Variants in SNX24 observed in about 807,000 individuals in gnomAD.
The protein encoded by SNX24 is sorting nexin-24.
Under a neutral mutation model 28.7 loss-of-function variants are expected in SNX24, and 22 were observed. The ratio of observed to expected loss-of-function variants is 0.77; its 90% CI spans 0.55 to 1.10. SNX24 has a LOEUF of 1.10. SNX24 is among the 50% of genes least tolerant of loss of function. The pLI is 0.00. For missense variants in SNX24, 221 were observed against 201.1 expected (o/e 1.10, Z -0.60); for synonymous variants, 69 against 71.5 (o/e 0.96, Z 0.18).
intron 5 of SNX24, among the ~76,000 whole-genome samples, chr5:123,022,061 C>T (rs1258558884): frequency 6.6e-6 from 1 of 152,098 alleles, no homozygotes; most frequent in African/African-American, 2.4e-5. Context: ...TCACAGCACT[C>T]ATCACCCTTT....
intron 1 of SNX24, among the ~76,000 whole-genome samples, chr5:122,866,451 A>C (rs1410696093): frequency 6.6e-6 from 1 of 152,112 alleles, no homozygotes; most frequent in Non-Finnish European, 1.5e-5. Flanking sequence ...GCCCTGCCAT[A>C]ACTGGTATTT....
In SNX24 at chr5:123,008,891, G is replaced by T. The variant is rs1304202838; in HGVS notation, c.*1142G>T. The T allele has an allele frequency of 1.0e-6, 1 of 983,908 alleles. No individual in the cohort carries two copies. The highest frequency in any genetic ancestry group is 1.2e-6 in the Non-Finnish European group (1 of 828,308). 60.9% of individuals were successfully genotyped at this position (983,908 alleles called of 1,614,324 possible). On this transcript the variant is annotated 3_prime_UTR_variant, in exon 7 of 7. Coordinates refer to ENST00000261369, the MANE Select transcript of SNX24 (RefSeq NM_014035.4). The stretch of plus-strand genomic sequence containing the variant: ...ACCTATATGTATGTGCTGTATGTGG[G>T]CATTTCATTGAGATCTAATTAATAG...
intron 3 of SNX24, among the ~76,000 whole-genome samples, chr5:122,952,096 G>A (rs1331890181): frequency 1.3e-5 from 2 of 152,140 alleles, no homozygotes; most frequent in Non-Finnish European, 2.9e-5. Context: ...TGATATATAA[G>A]AAACATAAAG....
rs1213203719 is a variant in SNX24 at position 122,893,079 on chromosome 5, A to C, written c.61-43655A>C. 2.6e-5 allele frequency among the ~76,000 whole-genome samples: 4 copies of C among 151,864 alleles called. No individual in the cohort carries two copies. In the East Asian group the frequency reaches 7.7e-4, roughly 29 times the overall value. On this transcript the variant is annotated intron_variant, in intron 1 of 6. Transcript: ENST00000261369. Reference sequence around the variant, plus strand: ...CTGCACTCGGCCCCGTTTCCTCTAAATTTACTAGCTGGCATTCTTCTGCAA... The same window carrying C: ...CTGCACTCGGCCCCGTTTCCTCTAACTTTACTAGCTGGCATTCTTCTGCAA...
Position 122,946,165 on chromosome 5 carries a change from A to T in SNX24, c.249+6A>T. On this transcript the variant is annotated splice_donor_region_variant and intron_variant, in intron 3 of 6. Coordinates refer to ENST00000261369, the MANE Select transcript of SNX24 (RefSeq NM_014035.4). ...GCTTGGAAACATACTTACAGGTAAG[A>T]TATGTTTAGATCCTCATTTTATATA... The T allele has an allele frequency of 2.0e-6, 3 of 1,485,320 alleles. No individual in the cohort carries two copies. Among genetic ancestry groups the T allele is most frequent in the Non-Finnish European group, 2.8e-6 (3 of 1,065,594 alleles). 92.0% of individuals were successfully genotyped at this position (1,485,320 alleles called of 1,614,324 possible). A position where few individuals can be genotyped will look rare whatever the true frequency, so the allele number is the denominator to read the frequency against.
chr5:122,867,184 A>G, intron 1 of SNX24, among the ~76,000 whole-genome samples: 1 of 152,216 alleles, frequency 6.6e-6, no homozygotes, highest in South Asian at 2.1e-4. Context: ...TCATTCTACC[A>G]AGCCAGCTGT....
intron 5 of SNX24, among the ~76,000 whole-genome samples, chr5:123,028,015 C>T (rs948058490): frequency 7.2e-5 from 11 of 152,140 alleles, no homozygotes; most frequent in African/African-American, 2.7e-4. Context: ...GTTTCTATTA[C>T]AATTTTGACA....
intron 1 of SNX24, among the ~76,000 whole-genome samples, chr5:122,860,456 G>A (rs886466222): frequency 3.3e-5 from 5 of 152,118 alleles, no homozygotes. Context: ...TTATTTTTGG[G>A]CCACTCTAAA....
At chr5:122,967,403 A>T (rs979500126) in intron 3 of SNX24, among the ~76,000 whole-genome samples, 3 of 152,086 alleles carry the variant, frequency 2.0e-5, no homozygotes, top group Non-Finnish European at 4.4e-5. Context: ...CCTCTTTCAG[A>T]CCCTGGTGTT....
chr5:122,928,468 A>T (rs1009791864), intron 1 of SNX24, among the ~76,000 whole-genome samples: 1 of 152,118 alleles, frequency 6.6e-6, no homozygotes, highest in Non-Finnish European at 1.5e-5. Flanking sequence ...ATGAGTCCTT[A>T]TAAGTGGAAG....
intron 3 of SNX24, among the ~76,000 whole-genome samples, chr5:122,980,944 A>G (rs926653022): frequency 6.6e-6 from 1 of 152,082 alleles, no homozygotes; most frequent in Non-Finnish European, 1.5e-5. Flanking sequence ...GCTTTGTCCC[A>G]TACAAATGAG....
chr5:122,899,171 T>C (rs1757327652), intron 1 of SNX24, among the ~76,000 whole-genome samples: 1 of 152,168 alleles, frequency 6.6e-6, no homozygotes, highest in South Asian at 2.1e-4. Flanking sequence ...ACTCCTATAG[T>C]CTTCAACATA....
intron 3 of SNX24, among the ~76,000 whole-genome samples, chr5:122,979,673 T>A (rs1761314330): frequency 6.6e-6 from 1 of 152,180 alleles, no homozygotes; most frequent in South Asian, 2.1e-4. Context: ...AATACTAATT[T>A]TAAGCATGTG....
intron 1 of SNX24, among the ~76,000 whole-genome samples, chr5:122,855,445 A>ATGCT (rs1755140541): frequency 6.6e-6 from 1 of 152,126 alleles, no homozygotes; most frequent in South Asian, 2.1e-4. Flanking sequence ...GTAGCATGTG[A>ATGCT]TGCTGTTTGA....
chr5:122,909,513 G>T (rs1249504784), intron 1 of SNX24, among the ~76,000 whole-genome samples: 1 of 152,220 alleles, frequency 6.6e-6, no homozygotes, highest in African/African-American at 2.4e-5. Context: ...GAGTATCAGA[G>T]TGGAAAGAGC....
At chr5:122,858,580 C>T (rs1755311880) in intron 1 of SNX24, among the ~76,000 whole-genome samples, 1 of 152,168 alleles carries the variant, frequency 6.6e-6, no homozygotes, top group Non-Finnish European at 1.5e-5. Flanking sequence ...TTAATGTTAG[C>T]TGATGTCGTC....
chr5:122,849,047 G>T (rs1754780009), intron 1 of SNX24, among the ~76,000 whole-genome samples: 1 of 152,142 alleles, frequency 6.6e-6, no homozygotes, highest in Admixed American at 6.5e-5. Context: ...TTTTCCCCAG[G>T]TATCTGCTGA....
intron 6 of SNX24, among the ~76,000 whole-genome samples, chr5:123,003,998 G>A (rs766613273): frequency 1.3e-5 from 2 of 152,028 alleles, no homozygotes; most frequent in African/African-American, 2.4e-5. Context: ...CAAATCTTTA[G>A]CATTTAATTT....
intron 3 of SNX24, among the ~76,000 whole-genome samples, chr5:122,978,392 C>A (rs1174809691): frequency 6.6e-6 from 1 of 152,160 alleles, no homozygotes; most frequent in Non-Finnish European, 1.5e-5. Context: ...TTCTCAGGGG[C>A]AGTTCTAATT....
Sources: gnomAD v4.1 joint callset for allele counts (sites outside exome capture counted in the v4.1 genomes callset) on GRCh38, gnomAD v4.1.1 for gene constraint, MANE v1.5 for transcripts, NCBI Gene and HGNC (gene_info 2026-07-23, HGNC 2026-07-21) for gene names.